The following SPTLC2 variants were observed in gnomAD, a reference collection of about 807,000 sequenced individuals.
The protein encoded by SPTLC2 is serine palmitoyltransferase 2.
In SPTLC2, 21 loss-of-function variants were observed where a neutral mutation model predicts 62.0. The observed-to-expected ratio is 0.34, with a 90% CI of 0.24 to 0.49. SPTLC2 has a LOEUF of 0.49. SPTLC2 is among the 20% of genes least tolerant of loss of function. The pLI, the probability that SPTLC2 is intolerant of heterozygous loss-of-function variation, is 0.99. For missense variants in SPTLC2, 511 were observed against 713.0 expected (o/e 0.72, Z 3.23); for synonymous variants, 261 against 261.8 (o/e 1.00, Z 0.03).
chr14:77,565,242 CAAAAAAAA>C (rs59356054), intron 5 of SPTLC2, among the ~76,000 whole-genome samples: 5 of 33,706 alleles, frequency 1.5e-4, no homozygotes, highest in Admixed American at 4.6e-4. Flanking sequence ...AACTCCATCT[CAAAAAAAA>C]AAAAAAAAAA....
rs2079866979 is a variant in SPTLC2 at position 77,599,705 on chromosome 14, AC to A, written c.133-2326del. On this transcript the variant is annotated intron_variant, in intron 1 of 11. Transcript: ENST00000216484. Reference sequence around the variant, plus strand: ...TTTGGTGTCAATATTTAATACTTAAACTTTTAAATGGGAGTAAGACTGTAAT... The same window carrying A: ...TTTGGTGTCAATATTTAATACTTAAATTTTAAATGGGAGTAAGACTGTAAT... Among the ~76,000 whole-genome samples, 6 of 152,362 alleles carry A rather than the reference AC, an allele frequency of 3.9e-5. No individual in the cohort carries two copies. The South Asian group carries it at 1.2e-3, about 32-fold the overall frequency.
intron 11 of SPTLC2, among the ~76,000 whole-genome samples, chr14:77,514,960 T>C (rs971161080): frequency 3.3e-5 from 5 of 152,228 alleles, no homozygotes; most frequent in Non-Finnish European, 5.9e-5. Context: ...ATCCATGCTG[T>C]AGGGTTAAAA....
intron 11 of SPTLC2, among the ~76,000 whole-genome samples, chr14:77,514,936 T>C (rs11849629): frequency 1.7e-3 from 263 of 152,376 alleles, no homozygotes; most frequent in African/African-American, 5.9e-3. Flanking sequence ...TTTAGCCTAA[T>C]GTTTTCAAGG....
At position 77,573,085 on chromosome 14, in the gene SPTLC2, C is replaced by T. The variant is rs568438808; in HGVS notation, c.632-2577G>A. ...GCTAATTGCTTGGTGTAAGAGGCCT[C>T]GCTTTTGGCCTATGTCAGCTTTTAA... On this transcript the variant is annotated intron_variant, in intron 4 of 11. Coordinates refer to ENST00000216484, the MANE Select transcript of SPTLC2 (RefSeq NM_004863.4). 2.6e-5 allele frequency among the ~76,000 whole-genome samples: 4 copies of T among 152,206 alleles called. No individual in the cohort carries two copies. The South Asian group carries it at 6.2e-4, about 24-fold the overall frequency.
In SPTLC2 at chr14:77,511,799, T is replaced by C. The variant is rs2079333594; in HGVS notation, c.*485A>G. 1 of 194,402 alleles carries C rather than the reference T, an allele frequency of 5.1e-6. No homozygotes were observed. 12.0% of individuals were successfully genotyped at this position (194,402 alleles called of 1,614,324 possible). A position where few individuals can be genotyped will look rare whatever the true frequency, so the allele number is the denominator to read the frequency against. On this transcript the variant is annotated 3_prime_UTR_variant, in exon 12 of 12. Coordinates refer to ENST00000216484, the MANE Select transcript of SPTLC2 (RefSeq NM_004863.4). ...GATTACTTGAATGGTTAAATAAGGA[T>C]TCCAAGGTTGGCCTTGAGACCTCTG...
At chr14:77,525,736 C>T (rs2079406136) in intron 9 of SPTLC2, among the ~76,000 whole-genome samples, 1 of 152,000 alleles carries the variant, frequency 6.6e-6, no homozygotes, top group Non-Finnish European at 1.5e-5. Context: ...CGGTGAAACC[C>T]CGTCTCTACT....
intron 10 of SPTLC2, 113 bp downstream of exon 10, chr14:77,521,333 A>G: frequency 7.7e-7 from 1 of 1,301,582 alleles, no homozygotes; most frequent in African/African-American, 1.5e-5. Flanking sequence ...TACCAAATGA[A>G]GGTTAACACA....
At chr14:77,514,289 TTAGA>T (rs762296604) in intron 11 of SPTLC2, among the ~76,000 whole-genome samples, 1 of 152,194 alleles carries the variant, frequency 6.6e-6, no homozygotes, top group Non-Finnish European at 1.5e-5. Flanking sequence ...AAAGTAATCA[TTAGA>T]TAGAAAAAGA....
intron 1 of SPTLC2, among the ~76,000 whole-genome samples, chr14:77,600,956 TA>T (rs1464279598): frequency 2.0e-5 from 3 of 151,972 alleles, no homozygotes; most frequent in African/African-American, 7.3e-5. Flanking sequence ...ACCAAAGCAA[TA>T]ATGGGAAAGT....
At chr14:77,523,660 T>C (rs1244727490) in intron 9 of SPTLC2, among the ~76,000 whole-genome samples, 6 of 152,184 alleles carry the variant, frequency 3.9e-5, no homozygotes. Context: ...TGTATTTTTG[T>C]CCACCAAAAT....
At chr14:77,568,717 A>C (rs2079660138) in intron 5 of SPTLC2, among the ~76,000 whole-genome samples, 1 of 151,620 alleles carries the variant, frequency 6.6e-6, no homozygotes, top group South Asian at 2.1e-4. Context: ...CTGAGGCAGG[A>C]GAATGGCGTG....
chr14:77,544,312 C>A (rs776441216), intron 9 of SPTLC2, among the ~76,000 whole-genome samples: 7 of 152,150 alleles, frequency 4.6e-5, no homozygotes, highest in Admixed American at 2.0e-4. Flanking sequence ...ATTACCATAT[C>A]CAGCCTAAGG....
At chr14:77,546,695 A>G (rs1475210700) in intron 9 of SPTLC2, among the ~76,000 whole-genome samples, 1 of 152,098 alleles carries the variant, frequency 6.6e-6, no homozygotes, top group Non-Finnish European at 1.5e-5. Context: ...CTATGTAGAG[A>G]GTAGTTGCTT....
At chr14:77,578,724 A>T in intron 3 of SPTLC2, 2 of 447,682 alleles carry the variant, frequency 4.5e-6, no homozygotes, top group Non-Finnish European at 8.0e-6. Flanking sequence ...CATCTCAAAA[A>T]ATAAATAAGC....
At chr14:77,565,210 C>T (rs183749387) in intron 5 of SPTLC2, among the ~76,000 whole-genome samples, 5 of 135,606 alleles carry the variant, frequency 3.7e-5, no homozygotes, top group African/African-American at 1.4e-4. Flanking sequence ...CCACTGCACT[C>T]CAGCCAGGGC....
chr14:77,580,039 G>C lies in SPTLC2; in HGVS notation c.328-930C>G, dbSNP rs547558118. ...CCTCCTCCCACATTAATAGATTAGG[G>C]GAAATGCCATAAAAACCACATAATT... On this transcript the variant is annotated intron_variant, in intron 2 of 11. Transcript: ENST00000216484. Among the ~76,000 whole-genome samples the C allele has an allele frequency of 4.6e-5, 7 of 152,008 alleles. 1 individual carries two copies. The East Asian group carries it at 1.4e-3, about 29-fold the overall frequency.
intron 2 of SPTLC2, among the ~76,000 whole-genome samples, chr14:77,588,987 A>C (rs60205975): frequency 8.7e-6 from 1 of 114,744 alleles, no homozygotes; most frequent in Non-Finnish European, 1.7e-5. Context: ...ACAGAGTAAG[A>C]CCTTGTCTCA....
chr14:77,561,131 G>A (rs1281641887), intron 6 of SPTLC2, among the ~76,000 whole-genome samples: 1 of 152,088 alleles, frequency 6.6e-6, no homozygotes, highest in Non-Finnish European at 1.5e-5. Flanking sequence ...TTTATCCTAA[G>A]GCACTAACCA....
rs146446905 is a variant in SPTLC2 at position 77,574,195 on chromosome 14, CAG to C, written c.631+2570_631+2571del. 4.1e-3 allele frequency among the ~76,000 whole-genome samples: 628 copies of C among 152,202 alleles called. 7 individuals carry two copies. Among genetic ancestry groups the C allele is most frequent in the African/African-American group, 0.014 (565 of 41,522 alleles). ...GGAAACTAATACAACTGGAAAATGACAGAGTTAGAAGAAGGTCATATCTATGC... is the reference window on the plus strand; with the variant it reads ...GGAAACTAATACAACTGGAAAATGACAGTTAGAAGAAGGTCATATCTATGC... On this transcript the variant is annotated intron_variant, in intron 4 of 11. Transcript: ENST00000216484.
Sources: gnomAD v4.1 joint callset for allele counts (sites outside exome capture counted in the v4.1 genomes callset) on GRCh38, gnomAD v4.1.1 for gene constraint, MANE v1.5 for transcripts, NCBI Gene and HGNC (gene_info 2026-07-23, HGNC 2026-07-21) for gene names.